MRTFB: variants seen among roughly 807,000 people sequenced by gnomAD.
The protein encoded by MRTFB is myocardin related transcription factor B.
A neutral mutation model predicts 104.2 loss-of-function variants in MRTFB; 29 were observed. The ratio of observed to expected loss-of-function variants is 0.28; its 90% confidence interval spans 0.21 to 0.38. The LOEUF is 0.38. Among genes scored for constraint, MRTFB ranks in the 10% least tolerant of loss-of-function variants. The probability of loss-of-function intolerance (pLI) is 1.00; values close to 1 mark genes in which losing one functional copy is unlikely to be tolerated. For missense variants in MRTFB, 1,270 were observed against 1,341.6 expected (o/e 0.95, Z 0.83); for synonymous variants, 535 against 519.5 (o/e 1.03, Z -0.41).
chr16:14,213,540 TAAAGA>T lies in MRTFB; in HGVS notation c.277-4_277del. 6.3e-7 allele frequency: 1 copy of T among 1,590,252 alleles called. No homozygotes were observed. Among genetic ancestry groups the T allele is most frequent in the Non-Finnish European group, 8.5e-7 (1 of 1,170,788 alleles). ...TTTATGGTAAGACTTTTTTTCTTTT[TAAAGA>T]CTGAAAACTTTTTGAAACACAAGAT... On this transcript the variant is annotated splice_acceptor_variant and splice_polypyrimidine_tract_variant and coding_sequence_variant and intron_variant, in exon 6 of 17. Transcript: ENST00000571589. LOFTEE classifies it high-confidence loss of function.
chr16:14,191,397 G>A (rs1356995262), intron 3 of MRTFB, among the ~76,000 whole-genome samples: 2 of 152,152 alleles, frequency 1.3e-5, no homozygotes, highest in Non-Finnish European at 2.9e-5. Context: ...TTAAAGAAAG[G>A]CACTTGATCC....
In MRTFB at chr16:14,264,675, T is replaced by C. The variant is rs950833550; in HGVS notation, c.*3231T>C. The C allele has an allele frequency of 2.0e-5, 3 of 152,236 alleles. No homozygotes were observed. The highest frequency in any genetic ancestry group is 4.4e-5 in the Non-Finnish European group (3 of 68,046). The allele number at this position is 152,236 out of a possible 1,614,324, so 9.4% of individuals were successfully genotyped here. A position where few individuals can be genotyped will look rare whatever the true frequency, so the allele number is the denominator to read the frequency against. ...TCTGTGATCCATGTAACTGACACTT[T>C]TTGGCTTTCAGTGCTGTTTAGAAAC... On this transcript the variant is annotated 3_prime_UTR_variant, in exon 17 of 17. Coordinates refer to ENST00000571589, the MANE Select transcript of MRTFB (RefSeq NM_001308142.2).
intron 1 of MRTFB, among the ~76,000 whole-genome samples, chr16:14,076,685 T>C (rs1383234994): frequency 6.6e-6 from 1 of 152,198 alleles, no homozygotes; most frequent in Non-Finnish European, 1.5e-5. Context: ...GGATTGCTGG[T>C]CAGTGGGCAA....
chr16:14,181,281 T>G (rs539921500), intron 3 of MRTFB, among the ~76,000 whole-genome samples: 2 of 152,272 alleles, frequency 1.3e-5, no homozygotes, highest in East Asian at 3.9e-4. Flanking sequence ...TACGGTGGTG[T>G]TTATAATGTT....
At chr16:14,024,740 C>G in the MRTFB span, among the ~76,000 whole-genome samples, 2 of 152,152 alleles carry the variant, frequency 1.3e-5, no homozygotes, top group African/African-American at 4.8e-5. Flanking sequence ...ACTTCTATCT[C>G]TATTTTTTAA....
At chr16:14,162,650 C>T (rs1345160207) in intron 3 of MRTFB, among the ~76,000 whole-genome samples, 1 of 152,136 alleles carries the variant, frequency 6.6e-6, no homozygotes, top group African/African-American at 2.4e-5. Flanking sequence ...CTATATGATT[C>T]CATTTTCACA....
chr16:14,146,157 A>G lies in MRTFB; in HGVS notation c.154+5397A>G, dbSNP rs1189604814. On this transcript the variant is annotated intron_variant, in intron 3 of 16. Transcript: ENST00000571589. ...TTTATGGTATGTCTTGAGTCCAGGT[A>G]CTTTTAAGGTGAGGAGCAGTCATGT... Among the ~76,000 whole-genome samples the G allele has an allele frequency of 3.3e-5, 5 of 152,220 alleles. No individual in the cohort carries two copies. The East Asian group carries it at 9.6e-4, about 29-fold the overall frequency.
At chr16:14,185,221 A>C (rs1186257971) in intron 3 of MRTFB, among the ~76,000 whole-genome samples, 1 of 152,214 alleles carries the variant, frequency 6.6e-6, no homozygotes, top group Non-Finnish European at 1.5e-5. Flanking sequence ...TTCAGTTGAC[A>C]AGAAGCATGT....
chr16:14,053,676 G>A, the MRTFB span, among the ~76,000 whole-genome samples: 1 of 150,314 alleles, frequency 6.7e-6, no homozygotes, highest in Non-Finnish European at 1.5e-5. Flanking sequence ...GTTGCAGTGA[G>A]CCAAGACTGC....
chr16:14,041,967 C>G, the MRTFB span, among the ~76,000 whole-genome samples: 1 of 152,158 alleles, frequency 6.6e-6, no homozygotes, highest in Middle Eastern at 3.4e-3. Flanking sequence ...GGGTATATAT[C>G]CAGAAGTGGG....
At chr16:14,156,195 T>A (rs2038821282) in intron 3 of MRTFB, among the ~76,000 whole-genome samples, 1 of 152,238 alleles carries the variant, frequency 6.6e-6, no homozygotes, top group South Asian at 2.1e-4. Flanking sequence ...TTTTCTAGTT[T>A]CTTATGGCAG....
chr16:14,020,106 A>G, the MRTFB span, among the ~76,000 whole-genome samples: 1 of 152,046 alleles, frequency 6.6e-6, no homozygotes, highest in Non-Finnish European at 1.5e-5. Flanking sequence ...ATTCTGGCCA[A>G]ACTGGATTGA....
chr16:14,060,529 C>A, the MRTFB span, among the ~76,000 whole-genome samples: 1 of 152,120 alleles, frequency 6.6e-6, no homozygotes, highest in African/African-American at 2.4e-5. Flanking sequence ...CAGTCTTCTC[C>A]AATCTACGTA....
rs1363142038 is a variant in MRTFB, at chr16:14,252,464, A to G, written c.2665A>G (p.Ile889Val). The G allele has an allele frequency of 1.2e-6, 2 of 1,613,666 alleles. No homozygotes were observed. Among genetic ancestry groups the G allele is most frequent in the Non-Finnish European group, 1.7e-6 (2 of 1,179,970 alleles). The change falls in exon 15 of 17, where the codon ATC (isoleucine) becomes GTC (valine). Residue 889 changes from isoleucine to valine, a missense_variant. This residue lies in a region of MRTFB where 1,144 missense variants were observed against 1,131.5 expected (regional missense o/e 1.01). Transcript: ENST00000571589. ...TKDPPRYEEA[I>V]KQTRSTQAPL... ...AGATCCCCCCCGCTATGAGGAGGCC[A>G]TCAAGCAGACACGCAGCACACAGGC... is the stretch of plus-strand genomic sequence containing the variant.
At chr16:14,195,535 C>G (rs1408071619) in intron 3 of MRTFB, 2 of 985,420 alleles carry the variant, frequency 2.0e-6, no homozygotes, top group Non-Finnish European at 2.4e-6. Flanking sequence ...AACCGAGATA[C>G]TGAGTCTGGA....
chr16:14,159,951 AAG>A (rs1235940086), intron 3 of MRTFB, among the ~76,000 whole-genome samples: 22 of 151,158 alleles, frequency 1.5e-4, no homozygotes, highest in Non-Finnish European at 2.5e-4. Flanking sequence ...AAAAAAAAAA[AAG>A]AATCATTTAC....
intron 2 of MRTFB, among the ~76,000 whole-genome samples, chr16:14,086,915 C>G (rs529155488): frequency 1.3e-4 from 20 of 152,274 alleles, no homozygotes; most frequent in African/African-American, 3.8e-4. Flanking sequence ...GGATTTTGTG[C>G]ATCTGCAACA....
chr16:14,193,074 G>GAGCGC (rs960277935), intron 3 of MRTFB, among the ~76,000 whole-genome samples: 2 of 151,822 alleles, frequency 1.3e-5, no homozygotes, highest in African/African-American at 4.8e-5. Context: ...CCAGCAGAAA[G>GAGCGC]AGCGCAGCCT....
At position 14,246,954 on chromosome 16, in the gene MRTFB, T is replaced by C. The variant is rs137864912; in HGVS notation, c.1694T>C (p.Leu565Pro). The change falls in exon 12 of 17, where the codon CTG becomes CCG. Residue 565 changes from leucine to proline, a missense_variant. By Grantham distance (98) the Leu-to-Pro change is moderately conservative. This residue lies in a region of MRTFB where 1,144 missense variants were observed against 1,131.5 expected (regional missense o/e 1.01). Coordinates refer to ENST00000571589, the MANE Select transcript of MRTFB (RefSeq NM_001308142.2). Reference protein sequence around the residue: ...PTSSTLSNLELDAAEKDRKLQ... With the variant: ...PTSSTLSNLEPDAAEKDRKLQ... ...AGCAGCACTCTGTCAAACCTGGAAC[T>C]GGATGCAGCCGAAAAGGATCGCAAG... The C allele has an allele frequency of 1.2e-6, 2 of 1,614,100 alleles. No individual in the cohort carries two copies. Among genetic ancestry groups the C allele is most frequent in the African/African-American group, 1.3e-5 (1 of 75,042 alleles).
Sources: allele counts gnomAD v4.1 joint callset (sites outside exome capture counted in the v4.1 genomes callset), GRCh38; gene constraint gnomAD v4.1.1; regional missense constraint gnomAD v4.1.1; transcripts MANE v1.5; gene names NCBI Gene and HGNC (gene_info 2026-07-23, HGNC 2026-07-21).